DNAH9: variants seen among roughly 807,000 people sequenced by gnomAD.
DNAH9 encodes the protein dynein axonemal heavy chain 9, also known as DNAH9 variant protein.
Under a neutral mutation model 471.6 loss-of-function variants are expected in DNAH9, and 345 were observed. That is an observed-to-expected ratio of 0.73 (90% CI 0.67 to 0.80). The LOEUF is 0.80. Ranked by LOEUF, DNAH9 falls within the 30% of genes least tolerant of loss-of-function variation. DNAH9 has a pLI of 0.00. For synonymous variants in DNAH9, 2,093 were observed against 2,123.6 expected, an observed-to-expected ratio of 0.99 and a Z score of 0.40; for missense variants, 5,407 against 5,609.2, an observed-to-expected ratio of 0.96 and a Z score of 1.15.
intron 22 of DNAH9, among the ~76,000 whole-genome samples, chr17:11,698,179 T>TAATAA (rs1567728531): frequency 5.3e-3 from 31 of 5,814 alleles, no homozygotes; most frequent in Admixed American, 0.014. Flanking sequence ...TATTAATATA[T>TAATAA]TATTATATTA....
intron 19 of DNAH9, among the ~76,000 whole-genome samples, chr17:11,684,687 G>A (rs191694701): frequency 1.2e-4 from 18 of 152,280 alleles, no homozygotes; most frequent in Non-Finnish European, 2.4e-4. Context: ...AAGACCATTC[G>A]TGTTTTCAGC....
intron 15 of DNAH9, among the ~76,000 whole-genome samples, chr17:11,666,507 T>G (rs2073870709): frequency 1.3e-5 from 2 of 152,156 alleles, no homozygotes; most frequent in South Asian, 4.1e-4. Context: ...CACATTTTCT[T>G]CACAATATAG....
At position 11,752,934 on chromosome 17, in the gene DNAH9, C is replaced by G. The variant is rs1278940158; in HGVS notation, c.6712C>G (p.Leu2238Val). 1 of 1,603,050 alleles carries G rather than the reference C, an allele frequency of 6.2e-7. No homozygotes were observed. The highest frequency in any genetic ancestry group is 8.5e-7 in the Non-Finnish European group (1 of 1,174,020). The change falls in exon 33 of 69, where the codon CTG (leucine) becomes GTG (valine). Residue 2238 changes from leucine (L) to valine (V), a missense_variant. Transcript: ENST00000262442. ...CATAGATCCAATGTGGATTGAATCC[C>G]TGAATACTGTCATGGATGATAACAA... The part of the protein sequence containing the change: ...GDIDPMWIES[L>V]NTVMDDNKVL...
At chr17:11,659,743 CTTTG>C (rs1210531311) in intron 14 of DNAH9, among the ~76,000 whole-genome samples, 2 of 152,246 alleles carry the variant, frequency 1.3e-5, no homozygotes, top group African/African-American at 4.8e-5. Context: ...CCACCTGCTT[CTTTG>C]TTTGATTACC....
chr17:11,632,654 T>C lies in DNAH9; in HGVS notation c.1586T>C (p.Ile529Thr). The C allele has an allele frequency of 6.2e-7, 1 of 1,612,220 alleles. No individual in the cohort carries two copies. The highest frequency in any genetic ancestry group is 2.2e-5 in the East Asian group (1 of 44,850). Residue 529 changes from isoleucine (I) to threonine (T), a missense_variant, in exon 8 of 69, where the codon ATC becomes ACC. By Grantham distance (89) the Ile-to-Thr change is moderately conservative. Around this residue, in one of 3 missense-constraint regions of DNAH9, gnomAD observed 767 missense variants for 692.5 expected, o/e 1.11. Transcript: ENST00000262442. Reference sequence around the variant, plus strand: ...GATCTTGACCGAAGATTGGGGACTATCTTTATTCAAGCTTTTGATGATGCA... The same window carrying C: ...GATCTTGACCGAAGATTGGGGACTACCTTTATTCAAGCTTTTGATGATGCA... ...VEDLDRRLGTIFIQAFDDAPG... is the reference protein window; with the variant it reads ...VEDLDRRLGTTFIQAFDDAPG...
At position 11,742,303 on chromosome 17, in the gene DNAH9, T is replaced by C. The variant is rs1229035753; in HGVS notation, c.6101T>C (p.Leu2034Pro). Reference sequence around the variant, plus strand: ...CTTTACCAGTTGTGCAAAGAGCTTCTCTCCAAACAGGTAGGATCTCTAGGG... The same window carrying C: ...CTTTACCAGTTGTGCAAAGAGCTTCCCTCCAAACAGGTAGGATCTCTAGGG... ...ITLYQLCKEL[L>P]SKQDHYDWGL... The change falls in exon 30 of 69, where the codon CTC (leucine) becomes CCC (proline). Residue 2034 changes from leucine to proline, a missense_variant. Physicochemically the swap from Leu to Pro is moderately conservative, Grantham distance 98. Around this residue, in one of 3 missense-constraint regions of DNAH9, gnomAD observed 4,636 missense variants for 4,900.3 expected, o/e 0.95. Coordinates refer to ENST00000262442, the MANE Select transcript of DNAH9 (RefSeq NM_001372.4). 1 of 1,614,006 alleles carries C rather than the reference T, an allele frequency of 6.2e-7. No individual in the cohort carries two copies. Among genetic ancestry groups the C allele is most frequent in the African/African-American group, 1.3e-5 (1 of 74,928 alleles).
chr17:11,778,499 G>C (rs1222000363), intron 38 of DNAH9, among the ~76,000 whole-genome samples: 2 of 152,030 alleles, frequency 1.3e-5, no homozygotes, highest in African/African-American at 4.8e-5. Context: ...GGATGCCACT[G>C]GAGGGCATAA....
At chr17:11,782,707 G>A (rs890022533) in intron 39 of DNAH9, among the ~76,000 whole-genome samples, 1 of 152,102 alleles carries the variant, frequency 6.6e-6, no homozygotes, top group African/African-American at 2.4e-5. Context: ...GATCAGCCTG[G>A]CCAACATGGT....
chr17:11,794,942 A>G (rs997409319), intron 42 of DNAH9, among the ~76,000 whole-genome samples: 20 of 150,976 alleles, frequency 1.3e-4, no homozygotes, highest in Admixed American at 2.7e-4. Flanking sequence ...GGGGAGGGAG[A>G]AGGGATAGCA....
At chr17:11,734,190 C>T (rs2075310623) in intron 28 of DNAH9, among the ~76,000 whole-genome samples, 2 of 152,136 alleles carry the variant, frequency 1.3e-5, no homozygotes, top group African/African-American at 4.8e-5. Context: ...TGCAGAGTCT[C>T]AGGCCCCACC....
At chr17:11,938,507 T>A (rs1974789474) in intron 66 of DNAH9, among the ~76,000 whole-genome samples, 1 of 150,556 alleles carries the variant, frequency 6.6e-6, no homozygotes, top group East Asian at 1.9e-4. Flanking sequence ...AATTTCTCCA[T>A]GAATTTTTTT....
intron 13 of DNAH9, among the ~76,000 whole-genome samples, chr17:11,652,421 G>A (rs1431725607): frequency 1.3e-5 from 2 of 151,728 alleles, no homozygotes; most frequent in African/African-American, 2.4e-5. Context: ...GAGTAGCTGG[G>A]ACTACAGGCA....
intron 18 of DNAH9, among the ~76,000 whole-genome samples, chr17:11,680,457 A>T (rs567777958): frequency 1.9e-4 from 29 of 152,352 alleles, no homozygotes; most frequent in African/African-American, 7.0e-4. Flanking sequence ...CCAAGTTTTC[A>T]CAAATTTAGA....
In DNAH9 at chr17:11,647,128, A is replaced by G. The variant is rs2073409473; in HGVS notation, c.2027A>G (p.Tyr676Cys). The change falls in exon 12 of 69, where the codon TAC becomes TGC. Residue 676 changes from tyrosine to cysteine, a missense_variant. By Grantham distance (194) the Tyr-to-Cys change is radical. This residue lies in a region of DNAH9 where 4,636 missense variants were observed against 4,900.3 expected (regional missense o/e 0.95). Coordinates refer to ENST00000262442, the MANE Select transcript of DNAH9 (RefSeq NM_001372.4). ...CGGACAGTATCAGAGAAGTCACAGT[A>G]CAATCTTTCCCAACCACTTCTAAAA... The part of the protein sequence containing the change: ...WCRTVSEKSQ[Y>C]NLSQPLLKRD... The G allele has an allele frequency of 6.2e-7, 1 of 1,613,940 alleles. No individual in the cohort carries two copies. The highest frequency in any genetic ancestry group is 2.2e-5 in the East Asian group (1 of 44,880).
rs936362926 is a variant in DNAH9 at position 11,598,495 on chromosome 17, C to G, written c.-4C>G. ...GAAACCGATGCAGCTGGAGGCCGCG[C>G]GCGATGCGGCTCGCGGAGGAGCGGG... On this transcript the variant is annotated 5_prime_UTR_variant, in exon 1 of 69. Transcript: ENST00000262442. 51 of 1,364,444 alleles carry G rather than the reference C, an allele frequency of 3.7e-5. No individual in the cohort carries two copies. Among genetic ancestry groups the G allele is most frequent in the Non-Finnish European group, 4.5e-5 (48 of 1,067,570 alleles). The allele number at this position is 1,364,444 out of a possible 1,614,324, so 84.5% of individuals were successfully genotyped here. A position where few individuals can be genotyped will look rare whatever the true frequency, so the allele number is the denominator to read the frequency against.
At chr17:11,744,030 A>G (rs2075475053) in intron 30 of DNAH9, among the ~76,000 whole-genome samples, 1 of 152,014 alleles carries the variant, frequency 6.6e-6, no homozygotes, top group Non-Finnish European at 1.5e-5. Flanking sequence ...AGGTTTCACC[A>G]TATTGGCCAG....
chr17:11,698,185 TATTAA>T (rs2074515592), intron 22 of DNAH9, among the ~76,000 whole-genome samples: 1 of 124,822 alleles, frequency 8.0e-6, no homozygotes. Flanking sequence ...TATATTATTA[TATTAA>T]TATAATAATA....
chr17:11,826,021 C>T (rs1418220369), intron 48 of DNAH9, among the ~76,000 whole-genome samples: 1 of 152,190 alleles, frequency 6.6e-6, no homozygotes, highest in Non-Finnish European at 1.5e-5. Flanking sequence ...GGACTGACAG[C>T]TGGTCAGGTT....
intron 48 of DNAH9, among the ~76,000 whole-genome samples, chr17:11,827,846 C>T (rs1020600292): frequency 3.3e-5 from 5 of 152,166 alleles, no homozygotes; most frequent in South Asian, 2.1e-4. Flanking sequence ...CCACCACACC[C>T]GGCTAATTTT....
Sources: gnomAD v4.1 joint callset for allele counts (sites outside exome capture counted in the v4.1 genomes callset) on GRCh38, gnomAD v4.1.1 for gene constraint, gnomAD v4.1.1 regional missense constraint, MANE v1.5 for transcripts, NCBI Gene and HGNC (gene_info 2026-07-23, HGNC 2026-07-21) for gene names.